Variants in FCHSD2 observed in about 807,000 individuals in gnomAD.
FCHSD2 encodes FCH and double SH3 domains 2.
FCHSD2 carries 38 observed loss-of-function variants against 108.1 expected under a neutral mutation model. The observed-to-expected ratio is 0.35, with a 90% CI of 0.27 to 0.46. FCHSD2 has a LOEUF of 0.46. FCHSD2 is among the 20% of genes least tolerant of loss of function. The pLI, the probability that FCHSD2 is intolerant of heterozygous loss-of-function variation, is 1.00. For synonymous variants in FCHSD2, 279 were observed against 314.7 expected (o/e 0.89, Z 1.20); for missense variants, 751 against 897.8 (o/e 0.84, Z 2.09).
intron 8 of FCHSD2, among the ~76,000 whole-genome samples, chr11:72,939,366 A>G (rs1229786794): frequency 1.3e-5 from 2 of 152,052 alleles, no homozygotes; most frequent in Non-Finnish European, 2.9e-5. Flanking sequence ...GGCCTCAAAA[A>G]CCTTTCTAAG....
At chr11:72,933,428 T>C (rs750953007) in intron 8 of FCHSD2, among the ~76,000 whole-genome samples, 2 of 152,194 alleles carry the variant, frequency 1.3e-5, no homozygotes, top group African/African-American at 4.8e-5. Context: ...TGTCCTTGAA[T>C]TGGGTAGTTC....
chr11:72,971,531 G>A (rs562389466), intron 8 of FCHSD2, among the ~76,000 whole-genome samples: 5 of 152,266 alleles, frequency 3.3e-5, no homozygotes, highest in African/African-American at 9.6e-5. Flanking sequence ...AACAGGACTG[G>A]ACACACTACT....
At chr11:73,068,629 G>C (rs1356243756) in intron 3 of FCHSD2, among the ~76,000 whole-genome samples, 4 of 151,726 alleles carry the variant, frequency 2.6e-5, no homozygotes, top group Non-Finnish European at 5.9e-5. Flanking sequence ...TTAACAATTG[G>C]AACACACATT....
At chr11:72,960,337 G>A (rs1032946727) in intron 8 of FCHSD2, among the ~76,000 whole-genome samples, 2 of 152,142 alleles carry the variant, frequency 1.3e-5, no homozygotes, top group African/African-American at 4.8e-5. Context: ...CAACTCTGGG[G>A]ATCACATTTC....
chr11:73,085,044 C>G (rs1399661349), intron 2 of FCHSD2, among the ~76,000 whole-genome samples: 1 of 151,214 alleles, frequency 6.6e-6, no homozygotes. Flanking sequence ...TTAAATTCAC[C>G]AAATGACTTG....
intron 10 of FCHSD2, among the ~76,000 whole-genome samples, chr11:72,892,091 G>A (rs1020232055): frequency 6.6e-6 from 1 of 152,220 alleles, no homozygotes; most frequent in African/African-American, 2.4e-5. Context: ...AGCTAGATGA[G>A]AAAGGAGGCA....
chr11:72,957,201 A>C, intron 8 of FCHSD2, among the ~76,000 whole-genome samples: 1 of 96,028 alleles, frequency 1.0e-5, no homozygotes. Flanking sequence ...ACCCCACCAC[A>C]GTCCCCAGAG....
intron 10 of FCHSD2, among the ~76,000 whole-genome samples, chr11:72,899,915 ACAGTAACATGT>A (rs1452090251): frequency 6.6e-6 from 1 of 152,146 alleles, no homozygotes; most frequent in Non-Finnish European, 1.5e-5. Flanking sequence ...TGCAATCACA[ACAGTAACATGT>A]CATTAATTTA....
At chr11:73,044,471 T>C (rs1858710551) in intron 3 of FCHSD2, among the ~76,000 whole-genome samples, 1 of 152,062 alleles carries the variant, frequency 6.6e-6, no homozygotes, top group African/African-American at 2.4e-5. Flanking sequence ...TCCTAGCTAC[T>C]CAGGAGGCTG....
At chr11:72,889,193 C>A (rs549244242) in intron 11 of FCHSD2, among the ~76,000 whole-genome samples, 2 of 146,970 alleles carry the variant, frequency 1.4e-5, no homozygotes, top group South Asian at 2.2e-4. Context: ...GATCTCCTGA[C>A]CTTGTGATCC....
chr11:72,946,511 GT>G (rs1368095561), intron 8 of FCHSD2, among the ~76,000 whole-genome samples: 1 of 151,980 alleles, frequency 6.6e-6, no homozygotes, highest in African/African-American at 2.4e-5. Flanking sequence ...TAACCTGCAC[GT>G]TGTGCACACG....
intron 13 of FCHSD2, among the ~76,000 whole-genome samples, chr11:72,857,684 A>C (rs1316759904): frequency 6.6e-6 from 1 of 151,592 alleles, no homozygotes; most frequent in Non-Finnish European, 1.5e-5. Context: ...TCGTGACCTC[A>C]GATGATCCAC....
intron 8 of FCHSD2, 64 bp downstream of exon 8, chr11:72,984,024 C>A: frequency 7.3e-7 from 1 of 1,377,582 alleles, no homozygotes; most frequent in Non-Finnish European, 1.0e-6. Flanking sequence ...AAACCCAACA[C>A]CCAACTTAAG....
chr11:73,123,189 G>A (rs1463472188), intron 2 of FCHSD2, among the ~76,000 whole-genome samples: 1 of 152,178 alleles, frequency 6.6e-6, no homozygotes, highest in Non-Finnish European at 1.5e-5. Flanking sequence ...TAAAATAAAT[G>A]TGTTAAATCA....
chr11:72,966,969 T>C (rs533442972), intron 8 of FCHSD2, among the ~76,000 whole-genome samples: 24 of 151,790 alleles, frequency 1.6e-4, no homozygotes, highest in Non-Finnish European at 2.9e-4. Flanking sequence ...GAGGCTGAGG[T>C]GGGCGGATCA....
intron 3 of FCHSD2, among the ~76,000 whole-genome samples, chr11:73,053,145 CTTTTTTTT>C (rs771262833): frequency 2.9e-5 from 3 of 102,970 alleles, no homozygotes; most frequent in Admixed American, 1.0e-4. Context: ...TGCACCCAGC[CTTTTTTTT>C]TTTTTTTTTT....
chr11:73,053,047 T>G (rs1252547805), intron 3 of FCHSD2, among the ~76,000 whole-genome samples: 2 of 151,926 alleles, frequency 1.3e-5, no homozygotes, highest in Non-Finnish European at 2.9e-5. Context: ...GGTTTCACCA[T>G]GTTGGCCAGA....
At chr11:73,103,290 G>A (rs1447679140) in intron 2 of FCHSD2, among the ~76,000 whole-genome samples, 2 of 152,138 alleles carry the variant, frequency 1.3e-5, no homozygotes, top group Non-Finnish European at 2.9e-5. Context: ...AATAAAAGTT[G>A]TAAATCCCAA....
chr11:72,960,171 C>T (rs1466302494), intron 8 of FCHSD2, among the ~76,000 whole-genome samples: 2 of 151,894 alleles, frequency 1.3e-5, no homozygotes, highest in African/African-American at 2.4e-5. Flanking sequence ...TAGTGGAAGG[C>T]GAAGGCAGAG....
Sources: gnomAD v4.1 joint callset for allele counts (sites outside exome capture counted in the v4.1 genomes callset) on GRCh38, gnomAD v4.1.1 for gene constraint, MANE v1.5 for transcripts, NCBI Gene and HGNC (gene_info 2026-07-23, HGNC 2026-07-21) for gene names.